PIGL: variants seen among roughly 807,000 people sequenced by gnomAD.
The protein encoded by PIGL is phosphatidylinositol glycan anchor biosynthesis class L.
A neutral mutation model predicts 31.1 loss-of-function variants in PIGL; 22 were observed. The observed-to-expected ratio is 0.71, with a 90% CI of 0.51 to 1.01. The LOEUF (loss-of-function observed/expected upper bound fraction) is 1.01, where lower values mean the gene tolerates loss of function less well. Ranked by LOEUF, PIGL falls within the 50% of genes least tolerant of loss-of-function variation. The pLI, the probability that PIGL is intolerant of heterozygous loss-of-function variation, is 0.00. For missense variants in PIGL, 302 were observed against 315.9 expected (o/e 0.96, Z 0.33); for synonymous variants, 131 against 117.4 (o/e 1.12, Z -0.75).
At chr17:16,246,922 C>T (rs2092750993) in intron 2 of PIGL, among the ~76,000 whole-genome samples, 3 of 151,586 alleles carry the variant, frequency 2.0e-5, no homozygotes, top group Non-Finnish European at 4.4e-5. Flanking sequence ...ATCTCCTGAC[C>T]TCATGATCCA....
intron 3 of PIGL, among the ~76,000 whole-genome samples, chr17:16,310,917 C>T (rs1176754148): frequency 6.6e-6 from 1 of 152,224 alleles, no homozygotes; most frequent in Non-Finnish European, 1.5e-5. Flanking sequence ...CTCCACCACT[C>T]AGTGGCAAGG....
intron 2 of PIGL, among the ~76,000 whole-genome samples, chr17:16,272,885 G>T (rs564201732): frequency 1.3e-5 from 2 of 152,084 alleles, no homozygotes; most frequent in Non-Finnish European, 2.9e-5. Flanking sequence ...CTCAGTGTTC[G>T]ATGCACACTC....
At chr17:16,275,031 C>CA (rs761009824) in intron 2 of PIGL, among the ~76,000 whole-genome samples, 5,941 of 115,686 alleles carry the variant, frequency 0.051, 140 homozygotes, top group Non-Finnish European at 0.069. Context: ...GACTCCGTCT[C>CA]AAAAAAAAAA....
chr17:16,268,909 C>T (rs951597611), intron 2 of PIGL, among the ~76,000 whole-genome samples: 1 of 151,918 alleles, frequency 6.6e-6, no homozygotes, highest in Non-Finnish European at 1.5e-5. Flanking sequence ...ACTACAGGCG[C>T]GTGCCACCAC....
intron 1 of PIGL, among the ~76,000 whole-genome samples, chr17:16,227,578 C>CTTTTTTTTTT (rs57452229): frequency 1.9e-5 from 2 of 103,198 alleles, no homozygotes; most frequent in African/African-American, 3.9e-5. Flanking sequence ...ATTTTCTTTT[C>CTTTTTTTTTT]TTTTTTTTTT....
chr17:16,239,641 TTTTGTGC>T (rs1266101578), intron 2 of PIGL, among the ~76,000 whole-genome samples: 3 of 151,938 alleles, frequency 2.0e-5, no homozygotes, highest in African/African-American at 7.3e-5. Flanking sequence ...AGATGATGAG[TTTTGTGC>T]TTCAGAATGA....
intron 1 of PIGL, among the ~76,000 whole-genome samples, chr17:16,220,675 C>T (rs771691717): frequency 2.0e-5 from 3 of 151,784 alleles, no homozygotes; most frequent in Non-Finnish European, 4.4e-5. Flanking sequence ...TTAGTAGAGA[C>T]GGGCTTTCTC....
At chr17:16,269,890 T>C (rs1458411180) in intron 2 of PIGL, among the ~76,000 whole-genome samples, 1 of 152,116 alleles carries the variant, frequency 6.6e-6, no homozygotes, top group East Asian at 1.9e-4. Context: ...ATCTTTCAAG[T>C]ATTCAACCAA....
At chr17:16,294,819 G>A (rs1421192368) in intron 2 of PIGL, among the ~76,000 whole-genome samples, 3 of 152,156 alleles carry the variant, frequency 2.0e-5, no homozygotes, top group African/African-American at 7.2e-5. Context: ...CCATCAGCAG[G>A]TTGGTGTTTT....
intron 2 of PIGL, among the ~76,000 whole-genome samples, chr17:16,240,137 G>C (rs1356530824): frequency 6.6e-6 from 1 of 152,058 alleles, no homozygotes; most frequent in African/African-American, 2.4e-5. Flanking sequence ...GTTCTGGCAA[G>C]ATCTGCTTGT....
chr17:16,290,589 A>G (rs1041471765), intron 2 of PIGL, among the ~76,000 whole-genome samples: 1 of 151,930 alleles, frequency 6.6e-6, no homozygotes, highest in Non-Finnish European at 1.5e-5. Context: ...GTAGAGATGT[A>G]GCTCAGAATG....
intron 2 of PIGL, among the ~76,000 whole-genome samples, chr17:16,289,606 C>A (rs2092951938): frequency 6.6e-6 from 1 of 152,158 alleles, no homozygotes; most frequent in African/African-American, 2.4e-5. Flanking sequence ...AAGGAAGTTT[C>A]TAGGAACTCT....
At chr17:16,275,085 C>T (rs2092889216) in intron 2 of PIGL, among the ~76,000 whole-genome samples, 1 of 152,006 alleles carries the variant, frequency 6.6e-6, no homozygotes, top group South Asian at 2.1e-4. Flanking sequence ...GGCTGTTCCA[C>T]CGGCCAGCAA....
At chr17:16,320,323 G>A (rs2093099114) in intron 6 of PIGL, among the ~76,000 whole-genome samples, 1 of 131,734 alleles carries the variant, frequency 7.6e-6, no homozygotes, top group African/African-American at 2.9e-5. Flanking sequence ...GGAAGGAAGG[G>A]AAGCGAAGGA....
At chr17:16,325,492 C>T (rs1006360100) in intron 6 of PIGL, among the ~76,000 whole-genome samples, 15 of 151,996 alleles carry the variant, frequency 9.9e-5, no homozygotes, top group Admixed American at 9.2e-4. Flanking sequence ...GTACTTGATT[C>T]ACAGGGTTGT....
chr17:16,316,100 C>G (rs181316752), intron 4 of PIGL, among the ~76,000 whole-genome samples: 2 of 152,256 alleles, frequency 1.3e-5, no homozygotes, highest in Admixed American at 6.5e-5. Flanking sequence ...TCCCAAGAGT[C>G]TCTGTTCATA....
chr17:16,240,649 C>T (rs970171435), intron 2 of PIGL, among the ~76,000 whole-genome samples: 5 of 151,876 alleles, frequency 3.3e-5, no homozygotes, highest in Admixed American at 6.6e-5. Flanking sequence ...CACAGGCATG[C>T]ACCACCTTGC....
At chr17:16,301,693 TC>T (rs759443073) in intron 3 of PIGL, among the ~76,000 whole-genome samples, 8 of 151,086 alleles carry the variant, frequency 5.3e-5, no homozygotes, top group Non-Finnish European at 1.2e-4. Flanking sequence ...TGCCTCAGCC[TC>T]CCAAGTAGCT....
intron 2 of PIGL, among the ~76,000 whole-genome samples, chr17:16,291,448 A>C (rs952899955): frequency 6.6e-6 from 1 of 150,702 alleles, no homozygotes; most frequent in East Asian, 2.0e-4. Context: ...TGAAGTTTGC[A>C]GTGAGCTGAG....
Sources: gnomAD v4.1 joint callset for allele counts (sites outside exome capture counted in the v4.1 genomes callset) on GRCh38, gnomAD v4.1.1 for gene constraint, MANE v1.5 for transcripts, NCBI Gene and HGNC (gene_info 2026-07-23, HGNC 2026-07-21) for gene names.